KLC1: variants seen among roughly 807,000 people sequenced by gnomAD.
KLC1 encodes the protein kinesin light chain 1, also known as kinesin 2 60/70kDa.
KLC1 carries 30 observed loss-of-function variants against 84.2 expected under a neutral mutation model. The ratio of observed to expected loss-of-function variants is 0.36; its 90% CI spans 0.27 to 0.48. The LOEUF (loss-of-function observed/expected upper bound fraction) is 0.48. KLC1 is among the 20% of genes least tolerant of loss of function. KLC1 has a pLI of 0.99. For synonymous variants in KLC1, 289 were observed against 293.3 expected (o/e 0.99, Z 0.15); for missense variants, 499 against 805.4 (o/e 0.62, Z 4.60).
intron 1 of KLC1, among the ~76,000 whole-genome samples, chr14:103,634,657 T>A (rs190294564): frequency 5.3e-5 from 8 of 152,012 alleles, no homozygotes; most frequent in Admixed American, 2.0e-4. Flanking sequence ...AGTAGCAAAT[T>A]GGCTAAGAAG....
At chr14:103,632,026 A>G (rs1384486165) in intron 1 of KLC1, among the ~76,000 whole-genome samples, 1 of 152,238 alleles carries the variant, frequency 6.6e-6, no homozygotes, top group East Asian at 1.9e-4. Flanking sequence ...GATTGCAAAT[A>G]CTGGTCTTAA....
chr14:103,669,866 A>C (rs960928842), intron 6 of KLC1, among the ~76,000 whole-genome samples: 1 of 152,170 alleles, frequency 6.6e-6, no homozygotes, highest in African/African-American at 2.4e-5. Flanking sequence ...TTTTTTTCTG[A>C]AAATTATATT....
chr14:103,641,720 A>G (rs963526449), intron 1 of KLC1, among the ~76,000 whole-genome samples: 4 of 150,678 alleles, frequency 2.7e-5, no homozygotes, highest in Admixed American at 2.7e-4. Context: ...CCTCCACCTC[A>G]GCCTCCCAGG....
At chr14:103,650,412 TC>T (rs1335010634) in intron 1 of KLC1, among the ~76,000 whole-genome samples, 1 of 152,124 alleles carries the variant, frequency 6.6e-6, no homozygotes, top group African/African-American at 2.4e-5. Flanking sequence ...GATTCCTTGT[TC>T]CATTGAATCA....
intron 1 of KLC1, among the ~76,000 whole-genome samples, chr14:103,641,537 C>T (rs548932500): frequency 2.0e-5 from 3 of 152,246 alleles, no homozygotes; most frequent in Non-Finnish European, 2.9e-5. Context: ...CTACCGACTT[C>T]TAGATGTATT....
chr14:103,678,957 A>G (rs866325165), intron 12 of KLC1, among the ~76,000 whole-genome samples: 5 of 152,240 alleles, frequency 3.3e-5, no homozygotes, highest in Non-Finnish European at 5.9e-5. Context: ...TAGACTGGCT[A>G]TAATAAGCGA....
chr14:103,671,739 A>C (rs2080403839), intron 7 of KLC1, among the ~76,000 whole-genome samples: 1 of 152,180 alleles, frequency 6.6e-6, no homozygotes, highest in Non-Finnish European at 1.5e-5. Context: ...GTTAATTTTG[A>C]GCCACATGGC....
chr14:103,677,375 TTA>T, intron 11 of KLC1, 38 bp from the exon 12 acceptor site: 1 of 1,205,128 alleles, frequency 8.3e-7, no homozygotes, highest in South Asian at 1.2e-5. Flanking sequence ...TGTTCAGAGC[TTA>T]TATGTCATAG....
chr14:103,692,434 C>G lies in KLC1; in HGVS notation c.1848+9C>G, dbSNP rs753929549. ...CTGAAGATCGCTTTCAAGTAAGGAG[C>G]CTACCCCGAATTGTGTCCTAGGCTG... On this transcript the variant is annotated intron_variant, in intron 15 of 16. Coordinates refer to ENST00000334553, the MANE Select transcript of KLC1 (RefSeq NM_001394837.1). The G allele has an allele frequency of 1.1e-5, 17 of 1,536,204 alleles. No individual in the cohort carries two copies. Among genetic ancestry groups the G allele is most frequent in the Middle Eastern group, 1.7e-4 (1 of 6,018 alleles).
intron 5 of KLC1, among the ~76,000 whole-genome samples, chr14:103,663,232 A>C (rs932151924): frequency 1.3e-5 from 2 of 151,886 alleles, no homozygotes; most frequent in African/African-American, 4.8e-5. Context: ...GGCACCCGCC[A>C]CCATGCCTGG....
At chr14:103,639,580 C>T (rs1177127351) in intron 1 of KLC1, among the ~76,000 whole-genome samples, 1 of 152,046 alleles carries the variant, frequency 6.6e-6, no homozygotes. Context: ...GTAGCTGGGA[C>T]CACAGGCGTG....
intron 13 of KLC1, among the ~76,000 whole-genome samples, chr14:103,682,033 T>C (rs1170057970): frequency 2.0e-5 from 3 of 152,116 alleles, no homozygotes; most frequent in Non-Finnish European, 4.4e-5. Flanking sequence ...TTCAGTATTA[T>C]GCAATTAAGT....
Position 103,675,723 on chromosome 14 carries a change from A to G in KLC1, c.1346A>G (p.Tyr449Cys). The change falls in exon 11 of 17, where the codon TAT (tyrosine) becomes TGT (cysteine). Residue 449 changes from tyrosine (Y) to cysteine (C), a missense_variant. Physicochemically the swap from Tyr to Cys is radical, Grantham distance 194. Coordinates refer to ENST00000334553, the MANE Select transcript of KLC1 (RefSeq NM_001394837.1). Reference protein sequence around the residue: ...KQKDGTSFGEYGGWYKACKVD... With the variant: ...KQKDGTSFGECGGWYKACKVD... ...AAGGATGGGACATCTTTTGGAGAGTATGGCGGCTGGTACAAAGCCTGCAAA... is the reference window on the plus strand; with the variant it reads ...AAGGATGGGACATCTTTTGGAGAGTGTGGCGGCTGGTACAAAGCCTGCAAA... 3.1e-6 allele frequency: 5 copies of G among 1,614,052 alleles called. No individual in the cohort carries two copies. Among genetic ancestry groups the G allele is most frequent in the Non-Finnish European group, 4.2e-6 (5 of 1,179,948 alleles).
chr14:103,684,789 A>G (rs935389440), intron 13 of KLC1: 2 of 578,446 alleles, frequency 3.5e-6, no homozygotes, highest in African/African-American at 3.7e-5. Flanking sequence ...TGTTCTGCCA[A>G]GCATTTAGTT....
chr14:103,687,261 C>A, intron 14 of KLC1, 50 bp downstream of exon 14: 1 of 1,484,456 alleles, frequency 6.7e-7, no homozygotes, highest in African/African-American at 1.4e-5. Flanking sequence ...GGCTGCTGGG[C>A]CGCTTCTCTT....
At chr14:103,665,658 A>C (rs1165406186) in intron 5 of KLC1, among the ~76,000 whole-genome samples, 1 of 152,104 alleles carries the variant, frequency 6.6e-6, no homozygotes, top group Non-Finnish European at 1.5e-5. Flanking sequence ...GCTGGTCTCA[A>C]AACTCCTGAC....
In KLC1 at chr14:103,662,948, T is replaced by C. The variant is rs141618083; in HGVS notation, c.797+21T>C. On this transcript the variant is annotated intron_variant, in intron 5 of 16. Transcript: ENST00000334553. ...TACAGGCTAGTCACTTTTGTTTACC[T>C]ACTGAATTTTACCTAGAGACAATGT... 5,999 of 1,517,218 alleles carry C rather than the reference T, an allele frequency of 4.0e-3. 179 individuals are homozygous for C. In the African/African-American group the frequency reaches 0.073, roughly 18 times the overall value. 94.0% of individuals were successfully genotyped at this position (1,517,218 alleles called of 1,614,324 possible).
chr14:103,644,146 C>T (rs2077708842), intron 1 of KLC1, among the ~76,000 whole-genome samples: 3 of 128,906 alleles, frequency 2.3e-5, no homozygotes, highest in African/African-American at 5.9e-5. Flanking sequence ...ACCTGGGAGG[C>T]GGAGCTTGCA....
In KLC1 at chr14:103,657,608, G is replaced by T. The variant is rs759515423; in HGVS notation, c.324G>T (p.Ala108=). Residue 108 remains alanine, a synonymous_variant, in exon 3 of 17, where the codon GCG becomes GCT. Transcript: ENST00000334553. ...AVESEKQKLR[A]QVRRLCQENQ... is the part of the protein sequence containing the mutation. ...AGTCCGAGAAGCAGAAACTGCGTGCGCAGGTTCGTCGTCTGTGCCAGGAGA... is the reference window on the plus strand; with the variant it reads ...AGTCCGAGAAGCAGAAACTGCGTGCTCAGGTTCGTCGTCTGTGCCAGGAGA... 3 of 1,614,180 alleles carry T rather than the reference G, an allele frequency of 1.9e-6. No homozygotes were observed. The highest frequency in any genetic ancestry group is 1.7e-6 in the Non-Finnish European group (2 of 1,180,032).
Sources: gnomAD v4.1 joint callset for allele counts (sites outside exome capture counted in the v4.1 genomes callset) on GRCh38, gnomAD v4.1.1 for gene constraint, MANE v1.5 for transcripts, NCBI Gene and HGNC (gene_info 2026-07-23, HGNC 2026-07-21) for gene names.